The following BRAF variants were observed in gnomAD, a reference collection of about 807,000 sequenced individuals.
BRAF encodes B-Raf proto-oncogene, serine/threonine kinase.
Under a neutral mutation model 104.6 loss-of-function variants are expected in BRAF, and 16 were observed. The ratio of observed to expected loss-of-function variants is 0.15; its 90% CI spans 0.10 to 0.23. BRAF has a LOEUF of 0.23. Among genes scored for constraint, BRAF ranks in the 10% least tolerant of loss-of-function variants. The pLI, the probability that BRAF is intolerant of heterozygous loss-of-function variation, is 1.00. For synonymous variants in BRAF, 310 were observed against 341.6 expected (o/e 0.91, Z 1.02); for missense variants, 541 against 937.3 (o/e 0.58, Z 5.52).
chr7:140,794,742 T>A (rs1432194383), intron 7 of BRAF, among the ~76,000 whole-genome samples: 1 of 152,180 alleles, frequency 6.6e-6, no homozygotes, highest in East Asian at 1.9e-4. Flanking sequence ...GGCTAGAAAT[T>A]ACCTGTGGCC....
chr7:140,751,784 T>C (rs1797812540), intron 16 of BRAF, among the ~76,000 whole-genome samples: 1 of 152,214 alleles, frequency 6.6e-6, no homozygotes, highest in African/African-American at 2.4e-5. Flanking sequence ...GGGAGTCCTA[T>C]CTTGGACTTC....
At chr7:140,835,206 TA>T (rs1395557339) in intron 2 of BRAF, 2 of 262,906 alleles carry the variant, frequency 7.6e-6, no homozygotes, top group African/African-American at 4.4e-5. Flanking sequence ...TAACGTAAGA[TA>T]AAACACTGTA....
Position 140,834,600 on chromosome 7 carries a change from C to A in BRAF, c.504+9G>T, listed in dbSNP as rs1440482034. On this transcript the variant is annotated intron_variant, in intron 3 of 19. Coordinates refer to ENST00000644969, the MANE Select transcript of BRAF (RefSeq NM_001374258.1). ...AAACAGCAAAATGGTGATATTAAAA[C>A]TGACTCACCACTGTCCTCTGTTTGT... is the stretch of plus-strand genomic sequence containing the variant. 1 of 1,614,058 alleles carries A rather than the reference C, an allele frequency of 6.2e-7. No individual in the cohort carries two copies. Among genetic ancestry groups the A allele is most frequent in the East Asian group, 2.2e-5 (1 of 44,886 alleles).
At chr7:140,900,078 A>G (rs558014727) in intron 1 of BRAF, among the ~76,000 whole-genome samples, 5 of 152,368 alleles carry the variant, frequency 3.3e-5, no homozygotes, top group East Asian at 1.9e-4. Flanking sequence ...GAAACATCCA[A>G]TTAAGCCACT....
At position 140,904,198 on chromosome 7, in the gene BRAF, G is replaced by A. The variant is rs148131856; in HGVS notation, c.138+20368C>T. ...TTGTGAAAAGAAGTCAACTGATGTC[G>A]CAAACCTCACTGTTGTCTTAAGAAA... On this transcript the variant is annotated intron_variant, in intron 1 of 19. Transcript: ENST00000644969. Among the ~76,000 whole-genome samples the A allele has an allele frequency of 1.3e-4, 20 of 152,240 alleles. No individual in the cohort carries two copies. In the East Asian group the frequency reaches 2.9e-3, roughly 22 times the overall value.
chr7:140,912,984 T>C (rs1386666405), intron 1 of BRAF, among the ~76,000 whole-genome samples: 2 of 152,250 alleles, frequency 1.3e-5, no homozygotes, highest in Non-Finnish European at 2.9e-5. Context: ...GGCCTCCTGC[T>C]GTTTCTTAAA....
chr7:140,728,393 C>T (rs1388805969), intron 19 of BRAF, among the ~76,000 whole-genome samples: 1 of 152,158 alleles, frequency 6.6e-6, no homozygotes, highest in Non-Finnish European at 1.5e-5. Flanking sequence ...AATACAACTA[C>T]TAATGAACTG....
intron 5 of BRAF, among the ~76,000 whole-genome samples, chr7:140,805,848 A>G (rs540578669): frequency 7.2e-5 from 11 of 152,372 alleles, no homozygotes; most frequent in African/African-American, 2.6e-4. Flanking sequence ...AAGACAGCCA[A>G]GAACACTTTT....
Position 140,777,105 on chromosome 7 carries a change from G to A in BRAF, c.1638-17C>T, listed in dbSNP as rs1800405621. On this transcript the variant is annotated splice_polypyrimidine_tract_variant and intron_variant, in intron 13 of 19. Transcript: ENST00000644969. Reference sequence around the variant, plus strand: ...CGTGTTTTCCTGTACAAAGAAATGTGACAGTAAACATTAAATGTCGACAAA... The same window carrying A: ...CGTGTTTTCCTGTACAAAGAAATGTAACAGTAAACATTAAATGTCGACAAA... 6.2e-7 allele frequency: 1 copy of A among 1,611,664 alleles called. No homozygotes were observed. The highest frequency in any genetic ancestry group is 8.5e-7 in the Non-Finnish European group (1 of 1,177,952).
intron 5 of BRAF, among the ~76,000 whole-genome samples, chr7:140,807,740 C>T (rs1414521078): frequency 6.6e-6 from 1 of 151,976 alleles, no homozygotes; most frequent in Non-Finnish European, 1.5e-5. Context: ...TATCTTTTAA[C>T]AATGCATACA....
chr7:140,811,841 T>C (rs933281956), intron 3 of BRAF, among the ~76,000 whole-genome samples: 4 of 152,238 alleles, frequency 2.6e-5, no homozygotes, highest in East Asian at 1.9e-4. Flanking sequence ...CAAGGTTCAG[T>C]GTTCACTAAT....
intron 3 of BRAF, among the ~76,000 whole-genome samples, chr7:140,812,492 C>T (rs115627223): frequency 0.025 from 3,821 of 152,240 alleles, 172 homozygotes; most frequent in African/African-American, 0.085. Flanking sequence ...TCCAGTAATG[C>T]ACTTCAAATA....
At chr7:140,714,542 G>C (rs1475936189), downstream of BRAF, among the ~76,000 whole-genome samples, 1 of 152,174 alleles carries the variant, frequency 6.6e-6, no homozygotes, top group Non-Finnish European at 1.5e-5. Flanking sequence ...TAATGTGTGT[G>C]TGTGTTGACA....
intron 16 of BRAF, among the ~76,000 whole-genome samples, chr7:140,750,614 C>T (rs1032509785): frequency 2.0e-5 from 3 of 152,200 alleles, no homozygotes; most frequent in African/African-American, 7.2e-5. Context: ...GTTGTATCTA[C>T]TTCGCTTTGT....
At chr7:140,820,134 G>C (rs994541346) in intron 3 of BRAF, among the ~76,000 whole-genome samples, 3 of 152,052 alleles carry the variant, frequency 2.0e-5, no homozygotes, top group African/African-American at 7.2e-5. Context: ...CTGTCATACA[G>C]ACAAACAATA....
At chr7:140,860,171 C>T (rs763195738) in intron 1 of BRAF, among the ~76,000 whole-genome samples, 9 of 152,120 alleles carry the variant, frequency 5.9e-5, no homozygotes, top group African/African-American at 9.7e-5. Flanking sequence ...TATTTATTTA[C>T]ACAGCATATG....
chr7:140,829,118 C>T (rs1486605668), intron 3 of BRAF, among the ~76,000 whole-genome samples: 1 of 150,172 alleles, frequency 6.7e-6, no homozygotes, highest in Non-Finnish European at 1.5e-5. Flanking sequence ...ATTCAGAAGA[C>T]TATTTACTTC....
intron 3 of BRAF, chr7:140,834,266 T>C (rs1254403329): frequency 4.8e-6 from 2 of 417,956 alleles, no homozygotes; most frequent in African/African-American, 4.0e-5. Context: ...AGGAGATTTC[T>C]CAAGGGTGAA....
intron 13 of BRAF, 63 bp downstream of exon 12, chr7:140,777,928 G>A (rs545950107): frequency 1.4e-6 from 2 of 1,470,634 alleles, no homozygotes; most frequent in African/African-American, 2.8e-5. Flanking sequence ...TGCTACCACT[G>A]GGAACCAGGA....
Sources: gnomAD v4.1 joint callset for allele counts (sites outside exome capture counted in the v4.1 genomes callset) on GRCh38, gnomAD v4.1.1 for gene constraint, MANE v1.5 for transcripts, NCBI Gene and HGNC (gene_info 2026-07-23, HGNC 2026-07-21) for gene names.